Variants in HIBADH observed in about 807,000 individuals in gnomAD.
HIBADH encodes 3-hydroxyisobutyrate dehydrogenase, mitochondrial.
Under a neutral mutation model 36.1 loss-of-function variants are expected in HIBADH, and 25 were observed. That is an observed-to-expected ratio of 0.69 (90% CI 0.50 to 0.97). The LOEUF (loss-of-function observed/expected upper bound fraction) is 0.97. Among genes scored for constraint, HIBADH ranks in the 50% least tolerant of loss-of-function variants. The pLI, the probability that HIBADH is intolerant of heterozygous loss-of-function variation, is 0.00. For missense variants in HIBADH, 421 were observed against 418.0 expected, an observed-to-expected ratio of 1.01 and a Z score of -0.06; for synonymous variants, 160 against 149.5, an observed-to-expected ratio of 1.07 and a Z score of -0.51.
At chr7:27,574,315 AAGGAT>A (rs1166239444) in intron 4 of HIBADH, among the ~76,000 whole-genome samples, 1 of 151,908 alleles carries the variant, frequency 6.6e-6, no homozygotes, top group Non-Finnish European at 1.5e-5. Context: ...TTTTTCCTCA[AAGGAT>A]AGGATAGGAG....
intron 4 of HIBADH, among the ~76,000 whole-genome samples, chr7:27,573,945 CT>C (rs1299249954): frequency 6.6e-6 from 1 of 152,112 alleles, no homozygotes; most frequent in Non-Finnish European, 1.5e-5. Flanking sequence ...AATGTGACTA[CT>C]AAAAAATTTT....
At chr7:27,622,364 A>T (rs1028854932) in intron 4 of HIBADH, among the ~76,000 whole-genome samples, 1 of 152,206 alleles carries the variant, frequency 6.6e-6, no homozygotes, top group Non-Finnish European at 1.5e-5. Context: ...ACTAAGAGAG[A>T]AGTTTATAGC....
chr7:27,631,105 A>G (rs1210633770), intron 3 of HIBADH, among the ~76,000 whole-genome samples: 10 of 152,236 alleles, frequency 6.6e-5, no homozygotes. Flanking sequence ...CTGTTCTGAT[A>G]GCTAGTCACC....
At chr7:27,627,404 C>T (rs1003293575) in intron 4 of HIBADH, among the ~76,000 whole-genome samples, 1 of 152,154 alleles carries the variant, frequency 6.6e-6, no homozygotes, top group African/African-American at 2.4e-5. Flanking sequence ...TTACAAGCTC[C>T]ATCCCCAAAC....
intron 4 of HIBADH, among the ~76,000 whole-genome samples, chr7:27,589,622 A>C (rs910796367): frequency 6.6e-6 from 1 of 152,230 alleles, no homozygotes; most frequent in African/African-American, 2.4e-5. Context: ...GCATCAGAGA[A>C]AGTGATTCTA....
intron 2 of HIBADH, among the ~76,000 whole-genome samples, chr7:27,641,781 T>G (rs910992079): frequency 6.6e-6 from 1 of 152,192 alleles, no homozygotes; most frequent in Non-Finnish European, 1.5e-5. Context: ...CAACAAATGC[T>G]TTCATTTTCT....
intron 4 of HIBADH, among the ~76,000 whole-genome samples, chr7:27,613,010 C>T (rs1785349440): frequency 8.1e-6 from 1 of 124,138 alleles, no homozygotes; most frequent in African/African-American, 3.0e-5. Flanking sequence ...ATATATATAT[C>T]CAAAAATATA....
chr7:27,543,680 T>G (rs1425480906), intron 4 of HIBADH, among the ~76,000 whole-genome samples: 2 of 152,242 alleles, frequency 1.3e-5, no homozygotes, highest in African/African-American at 2.4e-5. Flanking sequence ...TTATTTTGAC[T>G]GATTATTCTC....
intron 4 of HIBADH, among the ~76,000 whole-genome samples, chr7:27,554,861 A>T (rs554421084): frequency 9.2e-5 from 14 of 152,288 alleles, no homozygotes; most frequent in Middle Eastern, 3.4e-3. Context: ...GTGGACTCTC[A>T]TATTTTGGGG....
chr7:27,598,616 TA>T (rs1214653906), intron 4 of HIBADH, among the ~76,000 whole-genome samples: 1 of 152,162 alleles, frequency 6.6e-6, no homozygotes, highest in African/African-American at 2.4e-5. Flanking sequence ...CAAGCAGTTT[TA>T]GTACAACATT....
chr7:27,565,199 T>C (rs1440382003), intron 4 of HIBADH, among the ~76,000 whole-genome samples: 3 of 152,132 alleles, frequency 2.0e-5, no homozygotes, highest in Non-Finnish European at 4.4e-5. Context: ...CTGCTGAAAT[T>C]ATTCAAACTA....
At chr7:27,545,486 T>C (rs932557314) in intron 4 of HIBADH, among the ~76,000 whole-genome samples, 20 of 152,124 alleles carry the variant, frequency 1.3e-4, no homozygotes, top group Non-Finnish European at 1.8e-4. Context: ...ATGTAACCAT[T>C]TTGAACTTAG....
intron 4 of HIBADH, among the ~76,000 whole-genome samples, chr7:27,605,000 G>A (rs969511219): frequency 6.6e-6 from 1 of 152,002 alleles, no homozygotes; most frequent in Non-Finnish European, 1.5e-5. Flanking sequence ...CACTCTGCAT[G>A]GTGAATACAT....
rs189834012 is a variant in HIBADH, at chr7:27,606,903, A to C, written c.484+22468T>G. ...TTTTCAGTAGAAACTACCAACTAAA[A>C]TGGAAGAGGACAATGTAATCTCTCT... On this transcript the variant is annotated intron_variant, in intron 4 of 7. Coordinates refer to ENST00000265395, the MANE Select transcript of HIBADH (RefSeq NM_152740.4). 6.1e-3 allele frequency among the ~76,000 whole-genome samples: 927 copies of C among 152,210 alleles called. 12 individuals carry two copies. The highest frequency in any genetic ancestry group is 0.021 in the African/African-American group (852 of 41,548).
At chr7:27,575,208 T>G (rs544620633) in intron 4 of HIBADH, among the ~76,000 whole-genome samples, 5 of 152,246 alleles carry the variant, frequency 3.3e-5, no homozygotes, top group Non-Finnish European at 5.9e-5. Flanking sequence ...GGACTTACAG[T>G]GTAGCTGAGA....
intron 4 of HIBADH, among the ~76,000 whole-genome samples, chr7:27,593,947 C>A (rs940279736): frequency 1.3e-5 from 2 of 150,714 alleles, no homozygotes; most frequent in African/African-American, 2.4e-5. Context: ...GGTATGAACC[C>A]GGGAGGCGGA....
chr7:27,659,272 A>G (rs1322914393), intron 1 of HIBADH, among the ~76,000 whole-genome samples: 2 of 152,198 alleles, frequency 1.3e-5, no homozygotes, highest in African/African-American at 2.4e-5. Flanking sequence ...ATAGCTGTAG[A>G]TTTTCTTCTC....
chr7:27,649,583 C>G lies in HIBADH; in HGVS notation c.142G>C (p.Gly48Arg). ...TTTGCCATTGGATTCCCCATGTTGCCCAGTCCAATGAATCCAACTGGAGTC... is the reference window on the plus strand; with the variant it reads ...TTTGCCATTGGATTCCCCATGTTGCGCAGTCCAATGAATCCAACTGGAGTC... ...SKTPVGFIGLGNMGNPMAKNL... is the reference protein window; with the variant it reads ...SKTPVGFIGLRNMGNPMAKNL... The change falls in exon 2 of 8, where the codon GGC becomes CGC. Residue 48 changes from glycine to arginine, a missense_variant. By Grantham distance (125) the Gly-to-Arg change is moderately radical. Coordinates refer to ENST00000265395, the MANE Select transcript of HIBADH (RefSeq NM_152740.4). The G allele has an allele frequency of 6.2e-7, 1 of 1,613,888 alleles. No individual in the cohort carries two copies. The highest frequency in any genetic ancestry group is 8.5e-7 in the Non-Finnish European group (1 of 1,179,876).
chr7:27,594,740 GT>G (rs1183506994), intron 4 of HIBADH, among the ~76,000 whole-genome samples: 2 of 152,126 alleles, frequency 1.3e-5, no homozygotes, highest in African/African-American at 4.8e-5. Flanking sequence ...GCAACGGAAA[GT>G]TGTCCTACTC....
Sources: allele counts gnomAD v4.1 joint callset (sites outside exome capture counted in the v4.1 genomes callset), GRCh38; gene constraint gnomAD v4.1.1; transcripts MANE v1.5; gene names NCBI Gene and HGNC (gene_info 2026-07-23, HGNC 2026-07-21).